The following CDKN1A variants were observed in gnomAD, a reference collection of about 807,000 sequenced individuals.
CDKN1A encodes cyclin dependent kinase inhibitor 1A.
Under a neutral mutation model 14.8 loss-of-function variants are expected in CDKN1A, and 14 were observed. That is an observed-to-expected ratio of 0.94 (90% CI 0.62 to 1.48). The LOEUF is 1.48. CDKN1A is among the 40% of genes most tolerant of loss of function. The probability of loss-of-function intolerance (pLI) is 0.00; values close to 1 mark genes in which losing one functional copy is unlikely to be tolerated. For missense variants in CDKN1A, 203 were observed against 231.7 expected, an observed-to-expected ratio of 0.88 and a Z score of 0.80; for synonymous variants, 92 against 93.5, an observed-to-expected ratio of 0.98 and a Z score of 0.09.
chr6:36,681,268 CTTTCTTTCTTTT>C (rs1204638609), intron 1 of CDKN1A, among the ~76,000 whole-genome samples: 1,656 of 81,014 alleles, frequency 0.02, 30 homozygotes, highest in Admixed American at 0.032. Context: ...AGGTGCTTTT[CTTTCTTTCTTTT>C]TTTCTTTCTT....
intron 1 of CDKN1A, among the ~76,000 whole-genome samples, 163 bp from the exon 2 acceptor site, chr6:36,683,934 G>C (rs1311929888): frequency 2.0e-5 from 3 of 152,208 alleles, no homozygotes; most frequent in Non-Finnish European, 4.4e-5. Context: ...TGCTGGTGGG[G>C]GTCAGGCCTC....
chr6:36,677,588 G>A, upstream of CDKN1A: 1 of 367,984 alleles, frequency 2.7e-6, no homozygotes, highest in South Asian at 2.3e-5. Flanking sequence ...TTCTGTGTCT[G>A]TCAGAAGAAC....
chr6:36,685,674 C>T (rs1471787719), intron 2 of CDKN1A, 77 bp from the exon 3 acceptor site: 1 of 1,462,966 alleles, frequency 6.8e-7, no homozygotes, highest in African/African-American at 1.4e-5. Context: ...CCTGGCCCCC[C>T]ACTGTCTTCC....
chr6:36,684,383 G>T lies in CDKN1A; in HGVS notation c.282G>T (p.Arg94=), dbSNP rs1442084433. ...RGRDELGGGR[R]PGTSPALLQG... ...GGGATGAGTTGGGAGGAGGCAGGCGGCCTGGCACCTCACCTGCTCTGCTGC... is the reference window on the plus strand; with the variant it reads ...GGGATGAGTTGGGAGGAGGCAGGCGTCCTGGCACCTCACCTGCTCTGCTGC... Residue 94 remains arginine, a synonymous_variant, in exon 2 of 3, where the codon CGG becomes CGT. Coordinates refer to ENST00000244741, the MANE Select transcript of CDKN1A (RefSeq NM_000389.5). This position sits in a 1 kb window ranked among gnomAD's most constrained non-coding sequence, Gnocchi z 6.0. 2 of 1,613,052 alleles carry T rather than the reference G, an allele frequency of 1.2e-6. No homozygotes were observed. Among genetic ancestry groups the T allele is most frequent in the African/African-American group, 2.7e-5 (2 of 74,930 alleles).
upstream of CDKN1A, chr6:36,677,925 T>C (rs1483213318): frequency 7.5e-7 from 1 of 1,337,734 alleles, no homozygotes; most frequent in African/African-American, 1.5e-5. Context: ...AGGGATTTCT[T>C]CTGTTCAGGT....
Position 36,684,282 on chromosome 6 carries a change from G to A in CDKN1A, c.181G>A (p.Gly61Ser), listed in dbSNP as rs758877354. 6.2e-7 allele frequency: 1 copy of A among 1,613,308 alleles called. No homozygotes were observed. The highest frequency in any genetic ancestry group is 1.1e-5 in the South Asian group (1 of 91,086). ...CTTTGTCACCGAGACACCACTGGAG[G>A]GTGACTTCGCCTGGGAGCGTGTGCG... is the stretch of plus-strand genomic sequence containing the variant. Reference protein sequence around the residue: ...FDFVTETPLEGDFAWERVRGL... With the variant: ...FDFVTETPLESDFAWERVRGL... The change falls in exon 2 of 3, where the codon GGT (glycine) becomes AGT (serine). Residue 61 changes from glycine to serine, a missense_variant. Gly to Ser is a moderately conservative substitution (Grantham distance 56). Coordinates refer to ENST00000244741, the MANE Select transcript of CDKN1A (RefSeq NM_000389.5). This position sits in a 1 kb window ranked among gnomAD's most constrained non-coding sequence, Gnocchi z 6.0.
rs568200223 is a variant in CDKN1A at position 36,685,048 on chromosome 6, C to T, written c.445+502C>T. On this transcript the variant is annotated intron_variant, in intron 2 of 2. Transcript: ENST00000244741. Reference sequence around the variant, plus strand: ...AGAGACAAGGTCTCACCATGTTGCCCGGGCTGGTCTTGAACTCCTGAGCTC... The same window carrying T: ...AGAGACAAGGTCTCACCATGTTGCCTGGGCTGGTCTTGAACTCCTGAGCTC... Among the ~76,000 whole-genome samples the T allele has an allele frequency of 2.4e-3, 359 of 152,290 alleles. 2 individuals are homozygous for T. Among genetic ancestry groups the T allele is most frequent in the African/African-American group, 8.1e-3 (336 of 41,568 alleles).
intron 1 of CDKN1A, among the ~76,000 whole-genome samples, chr6:36,683,507 T>C (rs3176348): frequency 0.051 from 7,758 of 152,314 alleles, 268 homozygotes; most frequent in Non-Finnish European, 0.078. Flanking sequence ...ATTAAGTGGC[T>C]TTTTAAAGCT....
upstream of CDKN1A, among the ~76,000 whole-genome samples, chr6:36,676,900 A>C (rs1391846797): frequency 6.6e-6 from 1 of 152,184 alleles, no homozygotes; most frequent in Non-Finnish European, 1.5e-5. Flanking sequence ...CAAAAACAAC[A>C]ACAAAAAGAA....
Position 36,684,023 on chromosome 6 carries a change from C to T in CDKN1A, c.-5-74C>T, listed in dbSNP as rs1385894414. On this transcript the variant is annotated intron_variant, in intron 1 of 2. Coordinates refer to ENST00000244741, the MANE Select transcript of CDKN1A (RefSeq NM_000389.5). This position sits in a 1 kb window ranked among gnomAD's most constrained non-coding sequence, Gnocchi z 6.0. ...TAGGAAGACGTCACCTGAGGTGACA[C>T]AGCAAAGCCCGGCCAGGTAACATAG... 1.4e-6 allele frequency: 2 copies of T among 1,453,918 alleles called. No individual in the cohort carries two copies. Among genetic ancestry groups the T allele is most frequent in the African/African-American group, 1.4e-5 (1 of 71,596 alleles). The allele number at this position is 1,453,918 out of a possible 1,614,324, so 90.1% of individuals were successfully genotyped here.
At chr6:36,678,137 G>A (rs1761755284), upstream of CDKN1A, 2 of 367,142 alleles carry the variant, frequency 5.4e-6, no homozygotes, top group Admixed American at 7.7e-5. The surrounding 1 kb of genome is among the most constrained non-coding windows in gnomAD (Gnocchi z 5.7). Context: ...CTGGCCTCAA[G>A]ATGCTTTGTT....
chr6:36,685,528 G>T (rs900233213), intron 2 of CDKN1A, among the ~76,000 whole-genome samples: 1 of 152,180 alleles, frequency 6.6e-6, no homozygotes, highest in Non-Finnish European at 1.5e-5. Flanking sequence ...CCATGGGTGC[G>T]GGTGCGGTGA....
chr6:36,680,734 C>T (rs1481661619), intron 1 of CDKN1A: 1 of 152,232 alleles, frequency 6.6e-6, no homozygotes, highest in Non-Finnish European at 1.5e-5. Context: ...CCATTACCAC[C>T]CCTTCAAAGG....
chr6:36,678,543 GC>G (rs1761768452), upstream of CDKN1A: 3 of 472,606 alleles, frequency 6.3e-6, no homozygotes, highest in Non-Finnish European at 5.5e-6. The surrounding 1 kb of genome is among the most constrained non-coding windows in gnomAD (Gnocchi z 5.7). Flanking sequence ...GGACCGGCTG[GC>G]CTGCTGGAAC....
At chr6:36,678,658 G>A (rs915698436), upstream of CDKN1A, 173 of 985,260 alleles carry the variant, frequency 1.8e-4, no homozygotes, top group African/African-American at 5.2e-4. The surrounding 1 kb of genome is among the most constrained non-coding windows in gnomAD (Gnocchi z 5.7). Context: ...CCGCCTCCTT[G>A]AGGCGGGCCC....
At chr6:36,681,330 TTCTTTTTC>T (rs1761960904) in intron 1 of CDKN1A, among the ~76,000 whole-genome samples, 3 of 103,614 alleles carry the variant, frequency 2.9e-5, no homozygotes, top group Non-Finnish European at 4.2e-5. Context: ...CTTTCTTTCT[TTCTTTTTC>T]TTTCTTTCTT....
chr6:36,681,361 TTTTCTTTCTTTC>T (rs377657015), intron 1 of CDKN1A, among the ~76,000 whole-genome samples: 18 of 55,904 alleles, frequency 3.2e-4, no homozygotes, highest in South Asian at 1.4e-3. Flanking sequence ...TTTTTCTTTC[TTTTCTTTCTTTC>T]TTTCTTTCTT....
chr6:36,681,306 T>TTC (rs375482072), intron 1 of CDKN1A, among the ~76,000 whole-genome samples: 1 of 124,218 alleles, frequency 8.1e-6, no homozygotes, highest in African/African-American at 3.0e-5. Context: ...CTTTCTTTCT[T>TTC]TCTTTCTTTC....
Position 36,684,063 on chromosome 6 carries a change from C to G in CDKN1A, c.-5-34C>G. ...AGGTAACATAGTGTCTAATCTCCGC[C>G]GTGACCAGGGCCTTCCTTGTATCTC... On this transcript the variant is annotated intron_variant, in intron 1 of 2. Coordinates refer to ENST00000244741, the MANE Select transcript of CDKN1A (RefSeq NM_000389.5). The surrounding 1 kb of genome is among the most constrained non-coding windows in gnomAD (Gnocchi z 6.0). The G allele has an allele frequency of 6.2e-7, 1 of 1,604,386 alleles. No homozygotes were observed. The highest frequency in any genetic ancestry group is 8.5e-7 in the Non-Finnish European group (1 of 1,174,942).
Sources: allele counts gnomAD v4.1 joint callset (sites outside exome capture counted in the v4.1 genomes callset), GRCh38; gene constraint gnomAD v4.1.1; non-coding constraint Gnocchi (gnomAD v3.1); transcripts MANE v1.5; gene names NCBI Gene and HGNC (gene_info 2026-07-23, HGNC 2026-07-21).